NWD2: variants seen among roughly 807,000 people sequenced by gnomAD.
The protein encoded by NWD2 is NACHT and WD repeat domain-containing protein 2.
A neutral mutation model predicts 132.7 loss-of-function variants in NWD2; 37 were observed. The ratio of observed to expected loss-of-function variants is 0.28; its 90% CI spans 0.21 to 0.37. The LOEUF (loss-of-function observed/expected upper bound fraction) is 0.37, where lower values mean the gene tolerates loss of function less well. Ranked by LOEUF, NWD2 falls within the 10% of genes least tolerant of loss-of-function variation. The pLI, the probability that NWD2 is intolerant of heterozygous loss-of-function variation, is 1.00. For missense variants in NWD2, 1,592 were observed against 2,122.4 expected (o/e 0.75, Z 4.91); for synonymous variants, 705 against 803.0 (o/e 0.88, Z 2.06).
At chr4:37,294,434 T>C (rs948796762) in intron 1 of NWD2, among the ~76,000 whole-genome samples, 14 of 152,104 alleles carry the variant, frequency 9.2e-5, no homozygotes, top group Non-Finnish European at 1.6e-4. Context: ...TAGGACTACA[T>C]GCTGACTTGC....
intron 2 of NWD2, among the ~76,000 whole-genome samples, chr4:37,348,299 A>G (rs1719678263): frequency 6.6e-6 from 1 of 152,192 alleles, no homozygotes. Flanking sequence ...GTTCTTTAAC[A>G]TACTAATGGC....
intron 1 of NWD2, among the ~76,000 whole-genome samples, chr4:37,252,718 C>T (rs1717402977): frequency 6.6e-6 from 1 of 152,212 alleles, no homozygotes; most frequent in African/African-American, 2.4e-5. Flanking sequence ...AGGGTATTCT[C>T]TCCATCTCCA....
chr4:37,335,119 A>G (rs1003723117), intron 2 of NWD2, among the ~76,000 whole-genome samples: 1 of 152,074 alleles, frequency 6.6e-6, no homozygotes, highest in Non-Finnish European at 1.5e-5. Flanking sequence ...GATACAGTCT[A>G]TGCTTCTTGG....
Position 37,447,311 on chromosome 4 carries a change from C to G in NWD2, c.*94C>G, listed in dbSNP as rs1712666550. ...GATAAACTATTCATTTATTAAAAGG[C>G]AGGAGCGATGCTGGAATTCCAGTGT... On this transcript the variant is annotated 3_prime_UTR_variant, in exon 7 of 7. Transcript: ENST00000309447. 1.1e-6 allele frequency: 1 copy of G among 940,020 alleles called. No homozygotes were observed. 58.2% of individuals were successfully genotyped at this position (940,020 alleles called of 1,614,324 possible).
chr4:37,316,245 T>C (rs900706091), intron 1 of NWD2, among the ~76,000 whole-genome samples: 15 of 152,090 alleles, frequency 9.9e-5, no homozygotes, highest in Non-Finnish European at 2.1e-4. Flanking sequence ...AAAATAGTTT[T>C]GTTGAATATA....
At chr4:37,314,712 A>C (rs1473976137) in intron 1 of NWD2, among the ~76,000 whole-genome samples, 1 of 152,148 alleles carries the variant, frequency 6.6e-6, no homozygotes, top group Non-Finnish European at 1.5e-5. Context: ...TGATCTTTCA[A>C]GGAACCAACT....
In NWD2 at chr4:37,340,578, A is replaced by ATG. The variant is rs1425987611; in HGVS notation, c.240+14558_240+14559dup. 2.0e-5 allele frequency among the ~76,000 whole-genome samples: 3 copies of ATG among 152,202 alleles called. No individual in the cohort carries two copies. The East Asian group carries it at 5.8e-4, about 29-fold the overall frequency. ...CCAGGAAATACAGGGTGCACTGGGC[A>ATG]TGTGTAAAGGTTGGGGAGAAGCTCA... On this transcript the variant is annotated intron_variant, in intron 2 of 6. Coordinates refer to ENST00000309447, the MANE Select transcript of NWD2 (RefSeq NM_001144990.2).
At chr4:37,289,640 C>T (rs1411507946) in intron 1 of NWD2, among the ~76,000 whole-genome samples, 1 of 152,154 alleles carries the variant, frequency 6.6e-6, no homozygotes, top group African/African-American at 2.4e-5. Flanking sequence ...CGGTTCTCTT[C>T]ATTTGTCTTT....
chr4:37,423,111 G>A (rs896880285), intron 3 of NWD2, among the ~76,000 whole-genome samples: 4 of 152,056 alleles, frequency 2.6e-5, no homozygotes, highest in Non-Finnish European at 5.9e-5. Context: ...AGATATATCT[G>A]CTAACATTCC....
chr4:37,384,125 C>T (rs772879657), intron 3 of NWD2, among the ~76,000 whole-genome samples: 1 of 152,160 alleles, frequency 6.6e-6, no homozygotes, highest in Non-Finnish European at 1.5e-5. Context: ...ACGTCTGATT[C>T]CCTTTTTAGG....
Position 37,443,184 on chromosome 4 carries a change from G to A in NWD2, c.1297-101G>A. On this transcript the variant is annotated intron_variant, in intron 6 of 6. Transcript: ENST00000309447. The surrounding 1 kb of genome is among the most constrained non-coding windows in gnomAD (Gnocchi z 4.1). ...TTGGTCCTAAGCTATTTCCTGCACAGCAGAGGAGACCAGAAATCTGAGCTC... is the reference window on the plus strand; with the variant it reads ...TTGGTCCTAAGCTATTTCCTGCACAACAGAGGAGACCAGAAATCTGAGCTC... 2 of 1,055,872 alleles carry A rather than the reference G, an allele frequency of 1.9e-6. No individual in the cohort carries two copies. The highest frequency in any genetic ancestry group is 2.7e-6 in the Non-Finnish European group (2 of 744,968). The allele number at this position is 1,055,872 out of a possible 1,614,324, so 65.4% of individuals were successfully genotyped here.
At chr4:37,288,897 C>A (rs1022163414) in intron 1 of NWD2, among the ~76,000 whole-genome samples, 1 of 151,712 alleles carries the variant, frequency 6.6e-6, no homozygotes, top group Non-Finnish European at 1.5e-5. Flanking sequence ...CTGGATGAAT[C>A]GGTTATTATT....
At chr4:37,337,987 G>A (rs565725638) in intron 2 of NWD2, among the ~76,000 whole-genome samples, 7 of 152,196 alleles carry the variant, frequency 4.6e-5, no homozygotes, top group African/African-American at 1.4e-4. Flanking sequence ...GTGTTTCTTC[G>A]AAGCTTGCCT....
At chr4:37,312,611 T>C (rs202151717) in intron 1 of NWD2, among the ~76,000 whole-genome samples, 27,928 of 150,702 alleles carry the variant, frequency 0.19, 3,196 homozygotes, top group Non-Finnish European at 0.22. Flanking sequence ...CCTAATTGAA[T>C]ACCCTTTATT....
intron 3 of NWD2, among the ~76,000 whole-genome samples, chr4:37,411,906 C>CA (rs1180266576): frequency 2.0e-5 from 3 of 152,042 alleles, no homozygotes; most frequent in Non-Finnish European, 2.9e-5. Flanking sequence ...TCAATAGATG[C>CA]AAAAAAGGCC....
intron 1 of NWD2, among the ~76,000 whole-genome samples, chr4:37,317,342 T>G (rs536565600): frequency 6.6e-6 from 1 of 152,322 alleles, no homozygotes; most frequent in African/African-American, 2.4e-5. Flanking sequence ...AGGCCCTCAA[T>G]GACTGTTTAT....
rs151097545 is a variant in NWD2 at position 37,441,212 on chromosome 4, C to T, written c.1296+1822C>T. ...ATTAAGCACCAGATGAAGTAGCAGGCTTGTATTTAGGGTCCACATTGCATT... is the reference window on the plus strand; with the variant it reads ...ATTAAGCACCAGATGAAGTAGCAGGTTTGTATTTAGGGTCCACATTGCATT... On this transcript the variant is annotated intron_variant, in intron 6 of 6. Coordinates refer to ENST00000309447, the MANE Select transcript of NWD2 (RefSeq NM_001144990.2). Among the ~76,000 whole-genome samples the T allele has an allele frequency of 2.3e-3, 352 of 152,262 alleles. 3 individuals carry two copies. The highest frequency in any genetic ancestry group is 9.3e-3 in the East Asian group (48 of 5,180).
At chr4:37,312,491 C>A (rs2109281594) in intron 1 of NWD2, among the ~76,000 whole-genome samples, 1 of 151,236 alleles carries the variant, frequency 6.6e-6, no homozygotes, top group Middle Eastern at 3.4e-3. Flanking sequence ...TATCCTGAGA[C>A]TTTGCTGAAG....
intron 2 of NWD2, among the ~76,000 whole-genome samples, chr4:37,351,883 A>G (rs2376783): frequency 0.93 from 142,007 of 152,190 alleles, 67,061 homozygotes; most frequent in South Asian, 1. Flanking sequence ...TTGTGTCTTC[A>G]TTCTCATTGG....
Sources: gnomAD v4.1 joint callset for allele counts (sites outside exome capture counted in the v4.1 genomes callset) on GRCh38, gnomAD v4.1.1 for gene constraint, Gnocchi (gnomAD v3.1) non-coding constraint, MANE v1.5 for transcripts, NCBI Gene and HGNC (gene_info 2026-07-23, HGNC 2026-07-21) for gene names.